ERAP1: variants seen among roughly 807,000 people sequenced by gnomAD.
ERAP1 encodes the protein adipocyte-derived leucine aminopeptidase.
Under a neutral mutation model 103.7 loss-of-function variants are expected in ERAP1, and 86 were observed. That is an observed-to-expected ratio of 0.83 (90% CI 0.70 to 0.99). The LOEUF (loss-of-function observed/expected upper bound fraction) is 0.99. Ranked by LOEUF, ERAP1 falls within the 50% of genes least tolerant of loss-of-function variation. The pLI is 0.00. For synonymous variants in ERAP1, 398 were observed against 402.4 expected, an observed-to-expected ratio of 0.99 and a Z score of 0.13; for missense variants, 1,009 against 1,128.4, an observed-to-expected ratio of 0.89 and a Z score of 1.52.
chr5:96,864,533 T>C, the ERAP1 span, among the ~76,000 whole-genome samples: 7 of 152,300 alleles, frequency 4.6e-5, no homozygotes, highest in Middle Eastern at 3.4e-3. Flanking sequence ...AATACACAGA[T>C]ATATTCCAAC....
At position 96,780,505 on chromosome 5, in the gene ERAP1, C is replaced by A. The variant is rs770485894; in HGVS notation, c.2589-1G>T. The A allele has an allele frequency of 6.2e-7, 1 of 1,609,778 alleles. No individual in the cohort carries two copies. The highest frequency in any genetic ancestry group is 1.3e-5 in the African/African-American group (1 of 74,732). On this transcript the variant is annotated splice_acceptor_variant, in intron 17 of 18. Coordinates refer to ENST00000443439, the MANE Select transcript of ERAP1 (RefSeq NM_001040458.3). LOFTEE classifies it high-confidence loss of function. ...TATGGAAGATGAGCCAAGTTCAAAC[C>A]TAGAGAGGGAAATATTCAAAAACGG...
chr5:96,873,299 G>A, the ERAP1 span: 1 of 456,062 alleles, frequency 2.2e-6, no homozygotes, highest in Admixed American at 2.3e-5. Flanking sequence ...TTTGTTGAGG[G>A]CCTATGATGT....
the ERAP1 span, among the ~76,000 whole-genome samples, chr5:96,893,568 G>A: frequency 0.46 from 69,359 of 151,968 alleles, 16,123 homozygotes; most frequent in African/African-American, 0.52. Context: ...CTTTCTGCCA[G>A]TTGTTTGTAG....
chr5:96,897,362 C>A, the ERAP1 span, among the ~76,000 whole-genome samples: 4 of 152,182 alleles, frequency 2.6e-5, no homozygotes, highest in Non-Finnish European at 5.9e-5. Context: ...TGCCACCCAA[C>A]TTTTAAGATC....
chr5:96,782,172 G>A (rs1775300545), intron 15 of ERAP1, among the ~76,000 whole-genome samples: 1 of 151,866 alleles, frequency 6.6e-6, no homozygotes, highest in South Asian at 2.1e-4. Context: ...CACCATGCCC[G>A]GCTCATTTTT....
chr5:96,770,475 TAATTG>T, downstream of ERAP1: 1 of 1,072,916 alleles, frequency 9.3e-7, no homozygotes, highest in Non-Finnish European at 1.5e-6. Context: ...GCAGCCTAGT[TAATTG>T]CTAGATGGAT....
At chr5:96,818,893 CATTTATTTATTTATTTATTTATTT>C in the ERAP1 span, among the ~76,000 whole-genome samples, 3 of 141,762 alleles carry the variant, frequency 2.1e-5, no homozygotes, top group Non-Finnish European at 4.6e-5. Context: ...ACCTGAACTG[CATTTATTTATTTATTTATTTATTT>C]ATTTATTTAT....
At chr5:96,864,853 C>A in the ERAP1 span, among the ~76,000 whole-genome samples, 1 of 151,502 alleles carries the variant, frequency 6.6e-6, no homozygotes, top group Non-Finnish European at 1.5e-5. Flanking sequence ...TAAGTTAAAA[C>A]TATAAAAATA....
At chr5:96,782,669 T>C (rs142248271) in intron 15 of ERAP1, among the ~76,000 whole-genome samples, 79 of 152,324 alleles carry the variant, frequency 5.2e-4, no homozygotes, top group Middle Eastern at 3.4e-3. Context: ...CTACCTTGCT[T>C]AGACAGTGTC....
At chr5:96,930,829 C>T in the ERAP1 span, among the ~76,000 whole-genome samples, 1 of 152,160 alleles carries the variant, frequency 6.6e-6, no homozygotes, top group Non-Finnish European at 1.5e-5. Context: ...AACAGTTTCC[C>T]TAGACAAGCC....
chr5:96,851,803 C>T, the ERAP1 span, among the ~76,000 whole-genome samples: 11 of 152,002 alleles, frequency 7.2e-5, no homozygotes, highest in African/African-American at 1.7e-4. Context: ...TATTGTATGC[C>T]GGCACCAGAA....
At chr5:96,868,469 C>G in the ERAP1 span, among the ~76,000 whole-genome samples, 1 of 152,098 alleles carries the variant, frequency 6.6e-6, no homozygotes, top group Non-Finnish European at 1.5e-5. Flanking sequence ...CACAACAGCC[C>G]TATGAAGTTT....
the ERAP1 span, among the ~76,000 whole-genome samples, chr5:96,842,248 G>A: frequency 1.5e-4 from 23 of 152,180 alleles, no homozygotes; most frequent in African/African-American, 4.8e-4. Context: ...TGCTATAAAC[G>A]TGTGTGCAAG....
Position 96,775,960 on chromosome 5 carries a change from G to C in ERAP1, c.*436C>G, listed in dbSNP as rs1359517517. On this transcript the variant is annotated 3_prime_UTR_variant, in exon 19 of 19. Coordinates refer to ENST00000443439, the MANE Select transcript of ERAP1 (RefSeq NM_001040458.3). Reference sequence around the variant, plus strand: ...GCGGGTCTGGAGGGGTGAGCCGGGAGAGCTTTAACCCAGTCATCGTCCGGC... The same window carrying C: ...GCGGGTCTGGAGGGGTGAGCCGGGACAGCTTTAACCCAGTCATCGTCCGGC... 3 of 1,045,092 alleles carry C rather than the reference G, an allele frequency of 2.9e-6. No individual in the cohort carries two copies. Among genetic ancestry groups the C allele is most frequent in the South Asian group, 6.3e-5 (2 of 31,682 alleles). 64.7% of individuals were successfully genotyped at this position (1,045,092 alleles called of 1,614,324 possible).
intron 19 of ERAP1, among the ~76,000 whole-genome samples, chr5:96,764,185 C>A (rs1252205618): frequency 6.6e-6 from 1 of 152,122 alleles, no homozygotes; most frequent in Non-Finnish European, 1.5e-5. Flanking sequence ...ATGGATTTTG[C>A]TATAATAATA....
At chr5:96,867,011 A>ATT in the ERAP1 span, among the ~76,000 whole-genome samples, 5 of 136,714 alleles carry the variant, frequency 3.7e-5, no homozygotes, top group Admixed American at 7.3e-5. Context: ...CCTTTCTGAT[A>ATT]TTTTTTTTTT....
At chr5:96,827,195 G>T in the ERAP1 span, among the ~76,000 whole-genome samples, 37,474 of 152,130 alleles carry the variant, frequency 0.25, 4,668 homozygotes, top group East Asian at 0.31. Flanking sequence ...TAAAGCAAAG[G>T]CAGGGGAAGT....
chr5:96,899,242 A>G, the ERAP1 span, among the ~76,000 whole-genome samples: 2 of 152,218 alleles, frequency 1.3e-5, no homozygotes, highest in Non-Finnish European at 1.5e-5. Flanking sequence ...TTCTAAGTCC[A>G]ATAGTTATTC....
intron 3 of ERAP1, among the ~76,000 whole-genome samples, chr5:96,799,375 C>T (rs1291318194): frequency 1.3e-5 from 2 of 151,866 alleles, no homozygotes; most frequent in Non-Finnish European, 2.9e-5. Context: ...TCAGGCTACT[C>T]GTATTAGATT....
Sources: gnomAD v4.1 joint callset for allele counts (sites outside exome capture counted in the v4.1 genomes callset) on GRCh38, gnomAD v4.1.1 for gene constraint, MANE v1.5 for transcripts, NCBI Gene and HGNC (gene_info 2026-07-23, HGNC 2026-07-21) for gene names.